Variants in NAV2 observed in about 807,000 individuals in gnomAD.
NAV2 encodes helicase, APC down-regulated 1.
A neutral mutation model predicts 223.2 loss-of-function variants in NAV2; 54 were observed. The observed-to-expected ratio is 0.24, with a 90% CI of 0.19 to 0.30. The LOEUF (loss-of-function observed/expected upper bound fraction) is 0.30. Among genes scored for constraint, NAV2 ranks in the 10% least tolerant of loss-of-function variants. NAV2 has a pLI of 1.00. For missense variants in NAV2, 2,806 were observed against 3,147.5 expected (o/e 0.89, Z 2.60); for synonymous variants, 1,279 against 1,239.3 (o/e 1.03, Z -0.67).
At chr11:19,953,595 A>G (rs2047573393) in intron 10 of NAV2, among the ~76,000 whole-genome samples, 1 of 152,260 alleles carries the variant, frequency 6.6e-6, no homozygotes, top group Non-Finnish European at 1.5e-5. Flanking sequence ...CCCCAGTCAC[A>G]GTTAGCTCAG....
At chr11:19,722,131 G>T in intron 1 of NAV2, among the ~76,000 whole-genome samples, 1 of 152,070 alleles carries the variant, frequency 6.6e-6, no homozygotes, top group Non-Finnish European at 1.5e-5. Context: ...TTTAAGTTCT[G>T]GACTCTTTAT....
chr11:19,605,015 G>C (rs1194848605), intron 1 of NAV2, among the ~76,000 whole-genome samples: 1 of 152,096 alleles, frequency 6.6e-6, no homozygotes, highest in Non-Finnish European at 1.5e-5. Flanking sequence ...TTTCTTCCCT[G>C]TCTTGGGTGT....
chr11:19,776,177 A>G (rs1157733270), intron 1 of NAV2, among the ~76,000 whole-genome samples: 1 of 152,214 alleles, frequency 6.6e-6, no homozygotes, highest in African/African-American at 2.4e-5. Context: ...AATCAGAAAC[A>G]AGTTCCGAGG....
intron 22 of NAV2, among the ~76,000 whole-genome samples, chr11:20,074,364 A>G (rs1437227284): frequency 6.6e-6 from 1 of 152,188 alleles, no homozygotes; most frequent in Non-Finnish European, 1.5e-5. Context: ...TATGTGGTCA[A>G]TTTTAGAATA....
chr11:19,796,655 C>G (rs1398398215), intron 1 of NAV2, among the ~76,000 whole-genome samples: 1 of 152,210 alleles, frequency 6.6e-6, no homozygotes, highest in Non-Finnish European at 1.5e-5. Flanking sequence ...CACCACCTCT[C>G]TGTGGAGGGA....
intron 1 of NAV2, among the ~76,000 whole-genome samples, chr11:19,630,166 A>G (rs1202714284): frequency 6.6e-6 from 1 of 152,062 alleles, no homozygotes; most frequent in Non-Finnish European, 1.5e-5. Flanking sequence ...ATGCTCAATA[A>G]ATTATATATC....
intron 3 of NAV2, among the ~76,000 whole-genome samples, chr11:19,862,576 T>C (rs1289135901): frequency 6.6e-6 from 1 of 152,168 alleles, no homozygotes; most frequent in Non-Finnish European, 1.5e-5. Context: ...TCCCGAATAT[T>C]TCCATACCTA....
chr11:19,746,762 G>A (rs913243356), intron 1 of NAV2, among the ~76,000 whole-genome samples: 1 of 151,510 alleles, frequency 6.6e-6, no homozygotes, highest in Non-Finnish European at 1.5e-5. Context: ...ATAAGATAAT[G>A]TCCAGGATGC....
At chr11:19,873,504 A>T (rs1445068536) in intron 4 of NAV2, among the ~76,000 whole-genome samples, 1 of 152,140 alleles carries the variant, frequency 6.6e-6, no homozygotes, top group Admixed American at 6.5e-5. Context: ...AAAAGTAGGA[A>T]CATCCTTCCA....
At chr11:19,956,532 G>T (rs1282585524) in intron 10 of NAV2, among the ~76,000 whole-genome samples, 2 of 152,144 alleles carry the variant, frequency 1.3e-5, no homozygotes, top group Admixed American at 1.3e-4. Context: ...TTGCTAGAAT[G>T]GCTCAGAGAA....
intron 20 of NAV2, among the ~76,000 whole-genome samples, chr11:20,065,448 A>G (rs1434022964): frequency 1.3e-5 from 2 of 152,266 alleles, no homozygotes; most frequent in Admixed American, 6.5e-5. Flanking sequence ...AATGATTGCC[A>G]TGGAAAAGTT....
intron 1 of NAV2, among the ~76,000 whole-genome samples, chr11:19,472,024 T>G (rs11025147): frequency 0.14 from 21,685 of 152,246 alleles, 1,673 homozygotes; most frequent in East Asian, 0.23. Flanking sequence ...CTTTTAAACT[T>G]AATTATGTAT....
At chr11:19,587,834 C>G (rs2045947889) in intron 1 of NAV2, among the ~76,000 whole-genome samples, 1 of 152,220 alleles carries the variant, frequency 6.6e-6, no homozygotes, top group Non-Finnish European at 1.5e-5. Context: ...AAATTTAGTT[C>G]TCATCCACAT....
intron 1 of NAV2, among the ~76,000 whole-genome samples, chr11:19,441,661 C>T (rs1851407838): frequency 6.6e-6 from 1 of 152,062 alleles, no homozygotes; most frequent in African/African-American, 2.4e-5. Context: ...ATTTTTTAAC[C>T]AATTTTGTGA....
rs116305577 is a variant in NAV2, at chr11:19,592,768, G to A, written c.76-239716G>A. Among the ~76,000 whole-genome samples, 1,087 of 152,282 alleles carry A rather than the reference G, an allele frequency of 7.1e-3. 21 individuals are homozygous for A. The highest frequency in any genetic ancestry group is 0.025 in the African/African-American group (1,037 of 41,546). Reference sequence around the variant, plus strand: ...ACAATGAAAATAAAATAATAGTAATGAGAGCTGATATTGACTAAGTGCTCA... The same window carrying A: ...ACAATGAAAATAAAATAATAGTAATAAGAGCTGATATTGACTAAGTGCTCA... On this transcript the variant is annotated intron_variant, in intron 1 of 37. Transcript: ENST00000360655.
intron 1 of NAV2, among the ~76,000 whole-genome samples, chr11:19,489,578 A>G (rs918808339): frequency 6.6e-6 from 1 of 152,174 alleles, no homozygotes; most frequent in African/African-American, 2.4e-5. Flanking sequence ...AGGCAAAACA[A>G]CAGCTTGGAT....
intron 1 of NAV2, among the ~76,000 whole-genome samples, chr11:19,825,166 C>T (rs1437771593): frequency 6.6e-6 from 1 of 151,778 alleles, no homozygotes; most frequent in Non-Finnish European, 1.5e-5. Flanking sequence ...GTGGTGCACA[C>T]CTTTAATCCC....
chr11:20,024,762 A>G (rs1380552876), intron 11 of NAV2, among the ~76,000 whole-genome samples: 6 of 152,150 alleles, frequency 3.9e-5, no homozygotes, highest in African/African-American at 1.4e-4. Flanking sequence ...TTGTGCATTC[A>G]GGTTCCCACA....
chr11:19,612,799 C>T (rs1356081489), intron 1 of NAV2, among the ~76,000 whole-genome samples: 2 of 152,188 alleles, frequency 1.3e-5, no homozygotes, highest in Non-Finnish European at 2.9e-5. Context: ...CTGTTTGAAC[C>T]TCTGCCTGTT....
Sources: gnomAD v4.1 joint callset for allele counts (sites outside exome capture counted in the v4.1 genomes callset) on GRCh38, gnomAD v4.1.1 for gene constraint, MANE v1.5 for transcripts, NCBI Gene and HGNC (gene_info 2026-07-23, HGNC 2026-07-21) for gene names.